The following TNIP3 variants were observed in gnomAD, a reference collection of about 807,000 sequenced individuals.
TNIP3 encodes TNFAIP3-interacting protein 3.
A neutral mutation model predicts 54.1 loss-of-function variants in TNIP3; 34 were observed. The observed-to-expected ratio is 0.63, with a 90% confidence interval of 0.48 to 0.84. The LOEUF (loss-of-function observed/expected upper bound fraction) is 0.84, where lower values mean the gene tolerates loss of function less well. Ranked by LOEUF, TNIP3 falls within the 40% of genes least tolerant of loss-of-function variation. The pLI is 0.00. For missense variants in TNIP3, 366 were observed against 387.6 expected, an observed-to-expected ratio of 0.94 and a Z score of 0.47; for synonymous variants, 134 against 136.8, an observed-to-expected ratio of 0.98 and a Z score of 0.14.
chr4:121,148,713 A>G (rs951614422), intron 6 of TNIP3, among the ~76,000 whole-genome samples: 6 of 152,256 alleles, frequency 3.9e-5, no homozygotes, highest in African/African-American at 1.4e-4. Flanking sequence ...ATCAAATGCT[A>G]TAAAATTTTT....
At chr4:121,142,624 T>A (rs1446937190) in intron 8 of TNIP3, 102 bp downstream of exon 8, 1 of 1,059,554 alleles carries the variant, frequency 9.4e-7, no homozygotes, top group Non-Finnish European at 1.4e-6. Flanking sequence ...GCATGGGTTG[T>A]TGTAGGTCAC....
At chr4:121,224,144 C>A (rs1038846575) in intron 1 of TNIP3, among the ~76,000 whole-genome samples, 7 of 152,142 alleles carry the variant, frequency 4.6e-5, no homozygotes, top group South Asian at 4.2e-4. Context: ...AGGAAGATCA[C>A]CTGAGGTCAG....
At chr4:121,201,169 G>C (rs778870978) in intron 2 of TNIP3, among the ~76,000 whole-genome samples, 1 of 152,234 alleles carries the variant, frequency 6.6e-6, no homozygotes, top group South Asian at 2.1e-4. Context: ...TGAGGTATGA[G>C]GAAAGTCCAG....
chr4:121,172,004 A>G (rs1723987924), intron 3 of TNIP3, among the ~76,000 whole-genome samples: 1 of 152,174 alleles, frequency 6.6e-6, no homozygotes. Flanking sequence ...AAGTTCTGGG[A>G]TTACAGGCAT....
chr4:121,198,682 G>T (rs1401277172), intron 2 of TNIP3, among the ~76,000 whole-genome samples: 1 of 152,218 alleles, frequency 6.6e-6, no homozygotes, highest in Non-Finnish European at 1.5e-5. Context: ...AACATGGCTT[G>T]AAAGATCTAG....
chr4:121,164,330 A>G, upstream of TNIP3: 1 of 1,347,300 alleles, frequency 7.4e-7, no homozygotes, highest in Non-Finnish European at 9.5e-7. Context: ...ATAAAGTTAT[A>G]AGCACTGCAA....
chr4:121,175,720 C>T lies in TNIP3; in HGVS notation c.189+6956G>A, dbSNP rs529114824. Among the ~76,000 whole-genome samples, 9 of 152,280 alleles carry T rather than the reference C, an allele frequency of 5.9e-5. No homozygotes were observed. In the South Asian group the frequency reaches 6.2e-4, roughly 11 times the overall value. ...GTCTTATTTATCAACAAGAATGGAG[C>T]CTCAGTTTATATTCCCCCCTTGCAC... is the stretch of plus-strand genomic sequence containing the variant. On this transcript the variant is annotated intron_variant, in intron 3 of 12. Transcript: ENST00000507879.
At chr4:121,150,923 T>C (rs1351239581) in intron 5 of TNIP3, among the ~76,000 whole-genome samples, 1 of 152,216 alleles carries the variant, frequency 6.6e-6, no homozygotes, top group Non-Finnish European at 1.5e-5. Context: ...TGACATCCAG[T>C]ATAAGTTGAT....
At chr4:121,136,345 G>A (rs1419903686) in intron 10 of TNIP3, among the ~76,000 whole-genome samples, 1 of 152,070 alleles carries the variant, frequency 6.6e-6, no homozygotes, top group East Asian at 1.9e-4. Context: ...AAGTGAGAGA[G>A]GTACAGTAAG....
chr4:121,138,623 C>T lies in TNIP3; in HGVS notation c.946+1G>A. On this transcript the variant is annotated splice_donor_variant, in intron 10 of 10. Coordinates refer to ENST00000057513, the MANE Select transcript of TNIP3 (RefSeq NM_024873.6). LOFTEE classifies it high-confidence loss of function. ...AATGCTCAATACAGCTGTGGTCTCACCATTTGCCTTGTGTTGTACATCTGG... is the reference window on the plus strand; with the variant it reads ...AATGCTCAATACAGCTGTGGTCTCATCATTTGCCTTGTGTTGTACATCTGG... 1 of 1,613,702 alleles carries T rather than the reference C, an allele frequency of 6.2e-7. No individual in the cohort carries two copies. The highest frequency in any genetic ancestry group is 8.5e-7 in the Non-Finnish European group (1 of 1,179,594).
intron 3 of TNIP3, among the ~76,000 whole-genome samples, chr4:121,180,115 G>T (rs1290299839): frequency 6.6e-6 from 1 of 151,904 alleles, no homozygotes; most frequent in East Asian, 1.9e-4. Flanking sequence ...TATTATAGAT[G>T]TCGGGCTGGG....
At chr4:121,156,391 T>A (rs964493198) in intron 4 of TNIP3, among the ~76,000 whole-genome samples, 9 of 152,158 alleles carry the variant, frequency 5.9e-5, no homozygotes, top group Non-Finnish European at 1.2e-4. Context: ...AGAAAAAGTG[T>A]TCTTCAGGAA....
rs141650583 is a variant in TNIP3, at chr4:121,149,229, T to C, written c.609+874A>G. On this transcript the variant is annotated intron_variant, in intron 6 of 10. Coordinates refer to ENST00000057513, the MANE Select transcript of TNIP3 (RefSeq NM_024873.6). ...CTTACTCTTGCTGTCCACTTGGCAA[T>C]AGCGCGTGAGGTTAGGTGAGTGGGG... 4.5e-3 allele frequency among the ~76,000 whole-genome samples: 678 copies of C among 152,288 alleles called. 6 individuals carry two copies. The highest frequency in any genetic ancestry group is 0.014 in the Middle Eastern group (4 of 294).
intron 2 of TNIP3, among the ~76,000 whole-genome samples, chr4:121,210,455 G>A (rs533523679): frequency 2.1e-4 from 32 of 152,152 alleles, no homozygotes; most frequent in Non-Finnish European, 3.8e-4. Flanking sequence ...CACAGCCTCT[G>A]AAATCATTAT....
intron 2 of TNIP3, among the ~76,000 whole-genome samples, chr4:121,209,475 A>C (rs925753632): frequency 1.3e-5 from 2 of 152,092 alleles, no homozygotes; most frequent in African/African-American, 4.8e-5. Flanking sequence ...TGGCATGGAG[A>C]GTTGTGGGAA....
In TNIP3 at chr4:121,157,138, C is replaced by A. The variant is rs370464126; in HGVS notation, c.319G>T (p.Asp107Tyr). ...TCCCGGGTCAGGTCGCGCTGCCTGTCGTCCTCTCTCTGCCTGTCGTCCTTT... is the reference window on the plus strand; with the variant it reads ...TCCCGGGTCAGGTCGCGCTGCCTGTAGTCCTCTCTCTGCCTGTCGTCCTTT... The part of the protein sequence containing the change: ...QRKDDRQRED[D>Y]RQRDLTRDRL... Residue 107 changes from aspartate (D) to tyrosine (Y), a missense_variant, in exon 4 of 11, where the codon GAC becomes TAC. Asp to Tyr is a radical substitution (Grantham distance 160). Transcript: ENST00000057513. The A allele has an allele frequency of 1.4e-4, 228 of 1,611,216 alleles. No individual in the cohort carries two copies. Among genetic ancestry groups the A allele is most frequent in the Non-Finnish European group, 1.9e-4 (221 of 1,179,092 alleles).
intron 7 of TNIP3, among the ~76,000 whole-genome samples, chr4:121,146,591 A>C (rs1729444104): frequency 6.6e-6 from 1 of 152,220 alleles, no homozygotes; most frequent in Non-Finnish European, 1.5e-5. Context: ...TACTCCAGTT[A>C]CATTACATCT....
upstream of TNIP3, among the ~76,000 whole-genome samples, chr4:121,167,266 A>AAT (rs1730817051): frequency 6.6e-6 from 1 of 151,974 alleles, no homozygotes; most frequent in Non-Finnish European, 1.5e-5. Context: ...TGTGTATGTC[A>AAT]ATATATATAT....
Position 121,158,737 on chromosome 4 carries a change from G to C in TNIP3, c.163C>G (p.Gln55Glu). The C allele has an allele frequency of 6.2e-7, 1 of 1,612,198 alleles. No individual in the cohort carries two copies. The highest frequency in any genetic ancestry group is 8.5e-7 in the Non-Finnish European group (1 of 1,179,394). ...CTTCTAAATTGCTGATCCCATTGCT[G>C]GTTAACTTCCAGGAGCTGAAATCAT... Reference protein sequence around the residue: ...KQRKELLEVNQQWDQQFRSMK... With the variant: ...KQRKELLEVNEQWDQQFRSMK... Residue 55 changes from glutamine (Q) to glutamate (E), a missense_variant, in exon 3 of 11, where the codon CAG becomes GAG. Gln to Glu is a conservative substitution (Grantham distance 29, BLOSUM62 2). Transcript: ENST00000057513.
Sources: gnomAD v4.1 joint callset for allele counts (sites outside exome capture counted in the v4.1 genomes callset) on GRCh38, gnomAD v4.1.1 for gene constraint, MANE v1.5 for transcripts, NCBI Gene and HGNC (gene_info 2026-07-23, HGNC 2026-07-21) for gene names.